UNC93A: variants seen among roughly 807,000 people sequenced by gnomAD.
The protein encoded by UNC93A is unc-93 homolog A.
In UNC93A, 43 loss-of-function variants were observed where a neutral mutation model predicts 47.5. The observed-to-expected ratio is 0.91, with a 90% confidence interval of 0.71 to 1.17. The LOEUF is 1.17. Among genes scored for constraint, UNC93A ranks in the 50% most tolerant of loss-of-function variants. The pLI is 0.00. For synonymous variants in UNC93A, 280 were observed against 258.0 expected (o/e 1.09, Z -0.82); for missense variants, 605 against 577.6 (o/e 1.05, Z -0.49).
intron 4 of UNC93A, among the ~76,000 whole-genome samples, chr6:167,300,007 A>G (rs1454570709): frequency 1.3e-5 from 2 of 152,098 alleles, no homozygotes; most frequent in African/African-American, 2.4e-5. Flanking sequence ...GGAGGCAGAG[A>G]TGGAGGGGCT....
intron 4 of UNC93A, among the ~76,000 whole-genome samples, chr6:167,302,101 T>C (rs903595859): frequency 1.3e-5 from 2 of 152,182 alleles, no homozygotes; most frequent in Non-Finnish European, 2.9e-5. Context: ...AGCCTAGAAA[T>C]AAATCTGCAT....
chr6:167,298,193 C>T (rs1778144862), intron 4 of UNC93A, 123 bp downstream of exon 4: 1 of 1,419,820 alleles, frequency 7.0e-7, no homozygotes. Flanking sequence ...AATATCCTTG[C>T]AAAATGTATT....
intron 1 of UNC93A, among the ~76,000 whole-genome samples, chr6:167,283,075 A>T (rs1331400658): frequency 6.6e-6 from 1 of 152,198 alleles, no homozygotes; most frequent in Non-Finnish European, 1.5e-5. Flanking sequence ...CATTTAAAAA[A>T]TGCTAGACTC....
intron 2 of UNC93A, among the ~76,000 whole-genome samples, chr6:167,295,086 A>T (rs1163573279): frequency 6.6e-6 from 1 of 152,030 alleles, no homozygotes; most frequent in East Asian, 1.9e-4. Context: ...CGAAAGCTGC[A>T]CCTCGCCCAC....
chr6:167,304,260 G>T, intron 5 of UNC93A, 127 bp downstream of exon 5: 1 of 971,724 alleles, frequency 1.0e-6, no homozygotes, highest in Non-Finnish European at 1.6e-6. Flanking sequence ...GAGGGAGCGG[G>T]GTCCTATGCT....
chr6:167,291,537 G>A lies in UNC93A; in HGVS notation c.48G>A (p.Leu16=). ...RNVLVVSFGF[L]LLFTAYGGLQ... Reference sequence around the variant, plus strand: ...TCCTTGTGGTTTCCTTTGGGTTCCTGCTTCTCTTTACAGCCTATGGAGGTC... The same window carrying A: ...TCCTTGTGGTTTCCTTTGGGTTCCTACTTCTCTTTACAGCCTATGGAGGTC... The change falls in exon 1 of 8, where the codon CTG becomes CTA. Residue 16 remains leucine, a synonymous_variant. Transcript: ENST00000230256. 6.2e-7 allele frequency: 1 copy of A among 1,613,766 alleles called. No homozygotes were observed. Among genetic ancestry groups the A allele is most frequent in the Non-Finnish European group, 8.5e-7 (1 of 1,179,866 alleles).
chr6:167,296,001 TACA>T, intron 2 of UNC93A, 28 bp from the exon 3 acceptor site: 2 of 1,601,610 alleles, frequency 1.2e-6, no homozygotes, highest in Non-Finnish European at 1.7e-6. Context: ...CGTCTCCTGT[TACA>T]GGCTATGGGT....
In UNC93A at chr6:167,307,923, C is replaced by T. The variant is rs745489305; in HGVS notation, c.1108+13C>T. On this transcript the variant is annotated intron_variant, in intron 7 of 7. Coordinates refer to ENST00000230256, the MANE Select transcript of UNC93A (RefSeq NM_018974.4). The stretch of plus-strand genomic sequence containing the variant: ...ACACAAAACAATGGTGAGTCCCCAG[C>T]CCAGGCCCCTTCCTCTGTGGCAGCA... 1.2e-6 allele frequency: 2 copies of T among 1,612,762 alleles called. No individual in the cohort carries two copies. Among genetic ancestry groups the T allele is most frequent in the Non-Finnish European group, 1.7e-6 (2 of 1,179,342 alleles).
In UNC93A at chr6:167,301,710, G is replaced by A. The variant is rs115463614; in HGVS notation, c.626-2209G>A. ...CACAAGGCTTTCGGGGAGATTGTAG[G>A]TTGTGTCCTATTGGGCTGCTTGACA... On this transcript the variant is annotated intron_variant, in intron 4 of 7. Coordinates refer to ENST00000230256, the MANE Select transcript of UNC93A (RefSeq NM_018974.4). Among the ~76,000 whole-genome samples, 267 of 152,308 alleles carry A rather than the reference G, an allele frequency of 1.8e-3. 1 individual carries two copies. Among genetic ancestry groups the A allele is most frequent in the African/African-American group, 6.3e-3 (262 of 41,550 alleles).
chr6:167,274,336 G>A (rs189277837), intron 1 of UNC93A, among the ~76,000 whole-genome samples: 5 of 152,288 alleles, frequency 3.3e-5, no homozygotes, highest in Admixed American at 2.0e-4. Flanking sequence ...GGTACATTCA[G>A]GCTAATGGAA....
chr6:167,290,310 G>A (rs1165944930), upstream of UNC93A, among the ~76,000 whole-genome samples: 3 of 152,136 alleles, frequency 2.0e-5, no homozygotes, highest in Admixed American at 6.5e-5. Context: ...AATACATTAA[G>A]TGACAAGAAC....
At chr6:167,274,941 G>A (rs1363845321) in intron 1 of UNC93A, among the ~76,000 whole-genome samples, 1 of 152,182 alleles carries the variant, frequency 6.6e-6, no homozygotes, top group Non-Finnish European at 1.5e-5. Flanking sequence ...GTCTCAGACA[G>A]GGAGAAAAAA....
chr6:167,297,943 A>G lies in UNC93A; in HGVS notation c.500-2A>G, dbSNP rs765807951. On this transcript the variant is annotated splice_acceptor_variant, in intron 3 of 7. Transcript: ENST00000230256. LOFTEE classifies it high-confidence loss of function. ...TGTCTCCTGTCCACTCTGACTTCAT[A>G]GAGACCCTTCCAGAAGAGCAGCTCA... 3 of 1,613,766 alleles carry G rather than the reference A, an allele frequency of 1.9e-6. No individual in the cohort carries two copies. The highest frequency in any genetic ancestry group is 3.3e-4 in the Middle Eastern group (2 of 6,062).
upstream of UNC93A, among the ~76,000 whole-genome samples, chr6:167,287,603 C>A (rs73035183): frequency 6.6e-6 from 1 of 151,962 alleles, no homozygotes; most frequent in Non-Finnish European, 1.5e-5. Context: ...GTGTGGACGA[C>A]TGTAGAAGTG....
At chr6:167,283,836 C>T (rs1307207453) in intron 1 of UNC93A, among the ~76,000 whole-genome samples, 1 of 152,158 alleles carries the variant, frequency 6.6e-6, no homozygotes, top group Non-Finnish European at 1.5e-5. Flanking sequence ...AAACCAGCAT[C>T]AATAACAACT....
intron 4 of UNC93A, 91 bp from the exon 5 acceptor site, chr6:167,303,828 G>A (rs61400956): frequency 0.025 from 32,352 of 1,283,596 alleles, 1,967 homozygotes; most frequent in African/African-American, 0.23. Context: ...CCTCCCTCGC[G>A]AGAGGAGGAT....
intron 1 of UNC93A, among the ~76,000 whole-genome samples, chr6:167,283,535 G>A (rs983007470): frequency 3.3e-5 from 5 of 152,160 alleles, no homozygotes; most frequent in Admixed American, 6.5e-5. Flanking sequence ...ATCTGAAAGT[G>A]GGAAGGGTAA....
intron 1 of UNC93A, among the ~76,000 whole-genome samples, chr6:167,285,070 C>T (rs189814488): frequency 0.019 from 2,880 of 152,224 alleles, 87 homozygotes; most frequent in African/African-American, 0.066. Context: ...CTTCCCACAC[C>T]GTCTGGGCCT....
chr6:167,282,054 A>G lies in UNC93A; in HGVS notation c.-51-9385A>G, dbSNP rs1207291083. ...GTTGTGAGAGATAAAAAACAAACAGACCAGCAGACTAATTTTTATTGTACC... is the reference window on the plus strand; with the variant it reads ...GTTGTGAGAGATAAAAAACAAACAGGCCAGCAGACTAATTTTTATTGTACC... On this transcript the variant is annotated intron_variant, in intron 1 of 3. Transcript: ENST00000503433. 2.6e-5 allele frequency among the ~76,000 whole-genome samples: 4 copies of G among 152,170 alleles called. No homozygotes were observed. The East Asian group carries it at 5.8e-4, about 22-fold the overall frequency.
Sources: gnomAD v4.1 joint callset for allele counts (sites outside exome capture counted in the v4.1 genomes callset) on GRCh38, gnomAD v4.1.1 for gene constraint, MANE v1.5 for transcripts, NCBI Gene and HGNC (gene_info 2026-07-23, HGNC 2026-07-21) for gene names.